NSMCE2: variants seen among roughly 807,000 people sequenced by gnomAD.
The protein encoded by NSMCE2 is E3 SUMO-protein ligase NSE2.
A neutral mutation model predicts 23.8 loss-of-function variants in NSMCE2; 24 were observed. That is an observed-to-expected ratio of 1.01 (90% CI 0.73 to 1.42). The LOEUF (loss-of-function observed/expected upper bound fraction) is 1.42. Ranked by LOEUF, NSMCE2 falls within the 40% of genes most tolerant of loss-of-function variation. The pLI is 0.00. For synonymous variants in NSMCE2, 92 were observed against 94.1 expected, an observed-to-expected ratio of 0.98 and a Z score of 0.13; for missense variants, 284 against 296.5, an observed-to-expected ratio of 0.96 and a Z score of 0.31.
rs1199448302 is a variant in NSMCE2 at position 125,236,131 on chromosome 8, A to C, written c.418+53875A>C. The stretch of plus-strand genomic sequence containing the variant: ...AAAGTCTGAAGGCAAGTGAAAATTC[A>C]GAAAGAAGTGGAGAACTGAAACTTT... On this transcript the variant is annotated intron_variant, in intron 5 of 7. Transcript: ENST00000287437. Among the ~76,000 whole-genome samples the C allele has an allele frequency of 2.0e-5, 3 of 152,362 alleles. No individual in the cohort carries two copies. In the East Asian group the frequency reaches 5.8e-4, roughly 29 times the overall value.
intron 5 of NSMCE2, among the ~76,000 whole-genome samples, chr8:125,254,771 C>G (rs1332758229): frequency 6.6e-6 from 1 of 152,088 alleles, no homozygotes; most frequent in Non-Finnish European, 1.5e-5. Flanking sequence ...ATGACTGAGA[C>G]TGTGACGTTC....
In NSMCE2 at chr8:125,316,959, G is replaced by GT. The variant is rs112763782; in HGVS notation, c.419-40250dup. Among the ~76,000 whole-genome samples, 870 of 146,794 alleles carry GT rather than the reference G, an allele frequency of 5.9e-3. 9 individuals carry two copies. The highest frequency in any genetic ancestry group is 0.018 in the African/African-American group (731 of 40,102). ...ACACCCAGCTGATTTTTGGTTTTTC[G>GT]TTTTTTTTTTAAGAGATGGGGTTTT... On this transcript the variant is annotated intron_variant, in intron 5 of 7. Transcript: ENST00000287437.
At chr8:125,252,246 C>T (rs1563744801) in intron 5 of NSMCE2, among the ~76,000 whole-genome samples, 2 of 152,092 alleles carry the variant, frequency 1.3e-5, no homozygotes, top group African/African-American at 2.4e-5. Flanking sequence ...ACACCCCTAC[C>T]GGCCGGGCAC....
chr8:125,335,422 A>G (rs1392413577), intron 5 of NSMCE2, among the ~76,000 whole-genome samples: 1 of 152,238 alleles, frequency 6.6e-6, no homozygotes, highest in Non-Finnish European at 1.5e-5. Context: ...TAACTTGCTC[A>G]AAAACACAGA....
intron 5 of NSMCE2, among the ~76,000 whole-genome samples, chr8:125,277,313 G>A (rs1235578712): frequency 1.3e-5 from 2 of 152,062 alleles, no homozygotes; most frequent in African/African-American, 4.8e-5. Context: ...TCCTCCTCAA[G>A]TCACCTCTCT....
At chr8:125,196,809 C>G (rs1388011410) in intron 5 of NSMCE2, among the ~76,000 whole-genome samples, 1 of 152,178 alleles carries the variant, frequency 6.6e-6, no homozygotes, top group Non-Finnish European at 1.5e-5. Context: ...CTAATTTACA[C>G]TACCATCAAC....
Position 125,357,291 on chromosome 8 carries a change from A to G in NSMCE2, c.491A>G (p.Gln164Arg), listed in dbSNP as rs747663199. ...GAAGATATAATTGTGACCCAAAGTCAGACCAACTTCACCTGCCCCATTACA... is the reference window on the plus strand; with the variant it reads ...GAAGATATAATTGTGACCCAAAGTCGGACCAACTTCACCTGCCCCATTACA... ...VDEDIIVTQS[Q>R]TNFTCPITKE... Residue 164 changes from glutamine (Q) to arginine (R), a missense_variant, in exon 6 of 8, where the codon CAG (glutamine) becomes CGG (arginine). By Grantham distance (43) the Gln-to-Arg change is conservative. Coordinates refer to ENST00000287437, the MANE Select transcript of NSMCE2 (RefSeq NM_173685.4). The G allele has an allele frequency of 2.5e-6, 4 of 1,612,070 alleles. No individual in the cohort carries two copies. Among genetic ancestry groups the G allele is most frequent in the East Asian group, 2.2e-5 (1 of 44,868 alleles).
chr8:125,115,300 T>C (rs990123473), intron 3 of NSMCE2, among the ~76,000 whole-genome samples: 1 of 152,146 alleles, frequency 6.6e-6, no homozygotes, highest in Non-Finnish European at 1.5e-5. Context: ...ATATCTGACA[T>C]TGAAGCAAAT....
chr8:125,241,464 A>G (rs143942485), intron 5 of NSMCE2, among the ~76,000 whole-genome samples: 1 of 152,230 alleles, frequency 6.6e-6, no homozygotes, highest in African/African-American at 2.4e-5. Context: ...GGCATCAAGA[A>G]ATTCTCCTTA....
chr8:125,313,240 GAAAGA>G (rs367972009), intron 5 of NSMCE2, among the ~76,000 whole-genome samples: 1,936 of 149,820 alleles, frequency 0.013, 13 homozygotes, highest in Middle Eastern at 0.024. Context: ...AAGAAAGAAA[GAAAGA>G]AAAGAAAAGA....
intron 5 of NSMCE2, among the ~76,000 whole-genome samples, chr8:125,287,138 C>T (rs1013802015): frequency 2.6e-5 from 4 of 151,974 alleles, no homozygotes; most frequent in Admixed American, 6.6e-5. Context: ...TTGAGGCCAG[C>T]CTGGCCAACA....
intron 5 of NSMCE2, among the ~76,000 whole-genome samples, chr8:125,251,046 A>G (rs900199268): frequency 6.6e-6 from 1 of 152,210 alleles, no homozygotes; most frequent in African/African-American, 2.4e-5. Context: ...TGTTAAAAGT[A>G]GTTGTCTTTG....
At chr8:125,321,995 T>C (rs1829476734) in intron 5 of NSMCE2, among the ~76,000 whole-genome samples, 1 of 152,240 alleles carries the variant, frequency 6.6e-6, no homozygotes, top group Non-Finnish European at 1.5e-5. Context: ...ATATTTTCTT[T>C]TAAGTGTTCG....
At chr8:125,287,325 C>CT (rs1324946203) in intron 5 of NSMCE2, among the ~76,000 whole-genome samples, 2 of 152,156 alleles carry the variant, frequency 1.3e-5, no homozygotes, top group Non-Finnish European at 2.9e-5. Flanking sequence ...GAGTGAAACT[C>CT]TGTCTCAAAA....
At chr8:125,274,080 G>C (rs896743731) in intron 5 of NSMCE2, among the ~76,000 whole-genome samples, 5 of 152,152 alleles carry the variant, frequency 3.3e-5, no homozygotes, top group Admixed American at 2.6e-4. Context: ...GAGGACTTCA[G>C]AGCTCTTGAG....
chr8:125,307,449 A>G (rs1016216483), intron 5 of NSMCE2, among the ~76,000 whole-genome samples: 2 of 152,232 alleles, frequency 1.3e-5, no homozygotes, highest in Non-Finnish European at 2.9e-5. Flanking sequence ...CTTTTCCATC[A>G]GTCCTGTTGA....
intron 7 of NSMCE2, among the ~76,000 whole-genome samples, chr8:125,358,723 T>C (rs889231845): frequency 2.0e-5 from 3 of 152,184 alleles, no homozygotes; most frequent in African/African-American, 7.2e-5. Context: ...CCCTTTGATG[T>C]GTGGCTTGCT....
At chr8:125,231,864 TTATCTC>T (rs1481761092) in intron 5 of NSMCE2, among the ~76,000 whole-genome samples, 1 of 152,178 alleles carries the variant, frequency 6.6e-6, no homozygotes, top group African/African-American at 2.4e-5. Flanking sequence ...CACATTTTCT[TTATCTC>T]TTTCTTTTTA....
chr8:125,276,740 C>G (rs915171732), intron 5 of NSMCE2, among the ~76,000 whole-genome samples: 1 of 152,156 alleles, frequency 6.6e-6, no homozygotes, highest in Non-Finnish European at 1.5e-5. Context: ...ATCCTAATAA[C>G]CCAATGAAGT....
Sources: gnomAD v4.1 joint callset for allele counts (sites outside exome capture counted in the v4.1 genomes callset) on GRCh38, gnomAD v4.1.1 for gene constraint, MANE v1.5 for transcripts, NCBI Gene and HGNC (gene_info 2026-07-23, HGNC 2026-07-21) for gene names.